MYLIP: variants seen among roughly 807,000 people sequenced by gnomAD.
MYLIP encodes myosin regulatory light chain interacting protein.
In MYLIP, 26 loss-of-function variants were observed where a neutral mutation model predicts 45.8. The observed-to-expected ratio is 0.57, with a 90% CI of 0.42 to 0.79. The LOEUF (loss-of-function observed/expected upper bound fraction) is 0.79. MYLIP is among the 30% of genes least tolerant of loss of function. The pLI, the probability that MYLIP is intolerant of heterozygous loss-of-function variation, is 0.00. For missense variants in MYLIP, 494 were observed against 555.6 expected (o/e 0.89, Z 1.11); for synonymous variants, 213 against 218.1 (o/e 0.98, Z 0.21).
At chr6:16,155,485 G>A in the MYLIP span, among the ~76,000 whole-genome samples, 1 of 152,248 alleles carries the variant, frequency 6.6e-6, no homozygotes, top group South Asian at 2.1e-4. Flanking sequence ...ATACTTTTCT[G>A]TGAATGTAGG....
chr6:16,161,171 C>T, the MYLIP span: 3 of 191,848 alleles, frequency 1.6e-5, no homozygotes, highest in East Asian at 2.5e-4. Flanking sequence ...GGATCCCAAG[C>T]GCTTGTCTTC....
the MYLIP span, among the ~76,000 whole-genome samples, chr6:16,155,707 G>A: frequency 6.6e-6 from 1 of 152,228 alleles, no homozygotes; most frequent in Non-Finnish European, 1.5e-5. Flanking sequence ...CAGGTGAGTG[G>A]ATGCAGGAAC....
the MYLIP span, among the ~76,000 whole-genome samples, chr6:16,159,130 T>C: frequency 1.3e-5 from 2 of 152,220 alleles, no homozygotes; most frequent in Non-Finnish European, 2.9e-5. Flanking sequence ...GCTGTGCTGG[T>C]TGCACCCTGT....
chr6:16,130,548 TTG>T lies in MYLIP; in HGVS notation c.88-7_88-6del. ...TTGCTCATCCAGGCTGCATTCCTTTTTGTTTTAGGTGTGCAGGCGACTGGGAA... is the reference window on the plus strand; with the variant it reads ...TTGCTCATCCAGGCTGCATTCCTTTTTTTTAGGTGTGCAGGCGACTGGGAA... On this transcript the variant is annotated splice_region_variant and splice_polypyrimidine_tract_variant and intron_variant, in intron 1 of 6. Transcript: ENST00000356840. 1 of 1,612,938 alleles carries T rather than the reference TTG, an allele frequency of 6.2e-7. No homozygotes were observed. Among genetic ancestry groups the T allele is most frequent in the Non-Finnish European group, 8.5e-7 (1 of 1,179,304 alleles).
the MYLIP span, among the ~76,000 whole-genome samples, chr6:16,163,178 T>C: frequency 6.6e-6 from 1 of 152,162 alleles, no homozygotes; most frequent in Non-Finnish European, 1.5e-5. Flanking sequence ...TGGGAGGTAA[T>C]ACACTTTTTC....
At position 16,129,290 on chromosome 6, in the gene MYLIP, A is replaced by G; in HGVS notation, c.-33A>G. 1 of 1,549,914 alleles carries G rather than the reference A, an allele frequency of 6.5e-7. No individual in the cohort carries two copies. The highest frequency in any genetic ancestry group is 8.7e-7 in the Non-Finnish European group (1 of 1,146,320). On this transcript the variant is annotated 5_prime_UTR_variant, in exon 1 of 7. Coordinates refer to ENST00000356840, the MANE Select transcript of MYLIP (RefSeq NM_013262.4). This position sits in a 1 kb window ranked among gnomAD's most constrained non-coding sequence, Gnocchi z 5.1. ...CGGCAGCCCCGCGCACACCAAAGAG[A>G]AGGCGGCTGTGGCGGCAGCGGCAGC...
the MYLIP span, among the ~76,000 whole-genome samples, chr6:16,160,029 G>A: frequency 6.6e-6 from 1 of 152,196 alleles, no homozygotes; most frequent in South Asian, 2.1e-4. Context: ...GGCATTGCCT[G>A]CTCACCCTCC....
chr6:16,136,525 A>G (rs1485108576), intron 2 of MYLIP, among the ~76,000 whole-genome samples: 2 of 152,250 alleles, frequency 1.3e-5, no homozygotes, highest in Non-Finnish European at 2.9e-5. Flanking sequence ...TAAAGCTGCC[A>G]TAAACATTCT....
Position 16,129,414 on chromosome 6 carries a change from G to A in MYLIP, c.87+5G>A, listed in dbSNP as rs760053998. The A allele has an allele frequency of 3.2e-6, 5 of 1,579,486 alleles. No individual in the cohort carries two copies. In the East Asian group the frequency reaches 7.0e-5, roughly 22 times the overall value. ...GGCGAGGACTGCCTCAACCAGGTGAGGGCGAGGGGCAAGAAGGGGCCCCGG... is the reference window on the plus strand; with the variant it reads ...GGCGAGGACTGCCTCAACCAGGTGAAGGCGAGGGGCAAGAAGGGGCCCCGG... On this transcript the variant is annotated splice_donor_5th_base_variant and intron_variant, in intron 1 of 6. Coordinates refer to ENST00000356840, the MANE Select transcript of MYLIP (RefSeq NM_013262.4). This position sits in a 1 kb window ranked among gnomAD's most constrained non-coding sequence, Gnocchi z 5.1.
In MYLIP at chr6:16,140,854, AC is replaced by A. The variant is rs764361068; in HGVS notation, c.279-770del. 7.5e-3 allele frequency among the ~76,000 whole-genome samples: 1,144 copies of A among 152,314 alleles called. 17 individuals are homozygous for A. The highest frequency in any genetic ancestry group is 0.026 in the African/African-American group (1,070 of 41,560). On this transcript the variant is annotated intron_variant, in intron 2 of 6. Transcript: ENST00000356840. ...TTGAGCAGAGAAATGACAAGTTTAT[AC>A]TAGAAACAAGCAGCATGGAAGGTAG...
Position 16,143,063 on chromosome 6 carries a change from T to G in MYLIP, c.508T>G (p.Ser170Ala). ...HKELEGTSQA[S>A]AEYQVLQIVS... Reference sequence around the variant, plus strand: ...GGAGTTGGAGGGGACCAGCCAGGCTTCAGCTGAATACCAAGTTTTGCAGAT... The same window carrying G: ...GGAGTTGGAGGGGACCAGCCAGGCTGCAGCTGAATACCAAGTTTTGCAGAT... The change falls in exon 4 of 7, where the codon TCA becomes GCA. Residue 170 changes from serine (S) to alanine (A), a missense_variant. Coordinates refer to ENST00000356840, the MANE Select transcript of MYLIP (RefSeq NM_013262.4). The G allele has an allele frequency of 6.2e-7, 1 of 1,614,228 alleles. No individual in the cohort carries two copies. The highest frequency in any genetic ancestry group is 8.5e-7 in the Non-Finnish European group (1 of 1,180,036).
In MYLIP at chr6:16,129,533, G is replaced by C; in HGVS notation, c.87+124G>C. The C allele has an allele frequency of 1.1e-6, 1 of 930,616 alleles. No homozygotes were observed. Among genetic ancestry groups the C allele is most frequent in the South Asian group, 1.7e-5 (1 of 58,748 alleles). The allele number at this position is 930,616 out of a possible 1,614,324, so 57.6% of individuals were successfully genotyped here. A position where few individuals can be genotyped will look rare whatever the true frequency, so the allele number is the denominator to read the frequency against. On this transcript the variant is annotated intron_variant, in intron 1 of 6. Coordinates refer to ENST00000356840, the MANE Select transcript of MYLIP (RefSeq NM_013262.4). This position sits in a 1 kb window ranked among gnomAD's most constrained non-coding sequence, Gnocchi z 5.1. ...GGGAGGCACTGCGGCGGCAGCCGGG[G>C]GGAGCGCGTCCCCTCCTCTCCACGG... is the stretch of plus-strand genomic sequence containing the variant.
chr6:16,144,707 G>GA (rs1223309617), intron 5 of MYLIP, among the ~76,000 whole-genome samples, 190 bp from the exon 6 acceptor site: 2 of 152,164 alleles, frequency 1.3e-5, no homozygotes, highest in Non-Finnish European at 2.9e-5. Flanking sequence ...ATAATGTCAG[G>GA]AGATGTTAGA....
chr6:16,143,621 G>T, intron 4 of MYLIP, 78 bp from the exon 5 acceptor site: 1 of 1,485,688 alleles, frequency 6.7e-7, no homozygotes, highest in South Asian at 1.3e-5. Flanking sequence ...ATGAGCAAAT[G>T]GGGATCCCAC....
the MYLIP span, among the ~76,000 whole-genome samples, chr6:16,158,065 T>C: frequency 2.0e-3 from 301 of 152,334 alleles, 3 homozygotes; most frequent in Admixed American, 0.014. Flanking sequence ...CTCTTTGACA[T>C]GTGCTCTGGA....
the MYLIP span, among the ~76,000 whole-genome samples, chr6:16,158,232 G>A: frequency 4.6e-5 from 7 of 152,382 alleles, no homozygotes; most frequent in Admixed American, 2.0e-4. Flanking sequence ...AGCAAGCGAC[G>A]CAGAGGCACC....
Position 16,146,837 on chromosome 6 carries a change from T to C in MYLIP, c.*86T>C. Reference sequence around the variant, plus strand: ...AAATGATAGATTGTGGAGAAAGTAATTATTCCAACACCCATCTGCCATGCG... The same window carrying C: ...AAATGATAGATTGTGGAGAAAGTAACTATTCCAACACCCATCTGCCATGCG... On this transcript the variant is annotated 3_prime_UTR_variant, in exon 7 of 7. Coordinates refer to ENST00000356840, the MANE Select transcript of MYLIP (RefSeq NM_013262.4). 2.5e-6 allele frequency: 3 copies of C among 1,194,030 alleles called. No homozygotes were observed. The highest frequency in any genetic ancestry group is 3.6e-6 in the Non-Finnish European group (3 of 841,808). 74.0% of individuals were successfully genotyped at this position (1,194,030 alleles called of 1,614,324 possible).
Position 16,129,699 on chromosome 6 carries a change from C to G in MYLIP, c.87+290C>G, listed in dbSNP as rs1759417717. ...GCCCCATCATCCCCCCAACCCAGCACTTTCCCGGAAGAAGGCGGCTCCGCA... is the reference window on the plus strand; with the variant it reads ...GCCCCATCATCCCCCCAACCCAGCAGTTTCCCGGAAGAAGGCGGCTCCGCA... On this transcript the variant is annotated intron_variant, in intron 1 of 6. Transcript: ENST00000356840. The surrounding 1 kb of genome is among the most constrained non-coding windows in gnomAD (Gnocchi z 5.1). Among the ~76,000 whole-genome samples, 1 of 152,218 alleles carries G rather than the reference C, an allele frequency of 6.6e-6. No individual in the cohort carries two copies. Among genetic ancestry groups the G allele is most frequent in the Non-Finnish European group, 1.5e-5 (1 of 68,030 alleles).
intron 2 of MYLIP, among the ~76,000 whole-genome samples, chr6:16,133,628 G>T (rs535019080): frequency 6.6e-6 from 1 of 152,290 alleles, no homozygotes; most frequent in South Asian, 2.1e-4. Context: ...GCCTTTCAAA[G>T]GCTTTGAGTT....
Sources: allele counts gnomAD v4.1 joint callset (sites outside exome capture counted in the v4.1 genomes callset), GRCh38; gene constraint gnomAD v4.1.1; non-coding constraint Gnocchi (gnomAD v3.1); transcripts MANE v1.5; gene names NCBI Gene and HGNC (gene_info 2026-07-23, HGNC 2026-07-21).